KANSL2: variants seen among roughly 807,000 people sequenced by gnomAD.
KANSL2 encodes the protein NSL complex protein NSL2.
KANSL2 carries 34 observed loss-of-function variants against 55.6 expected under a neutral mutation model. The ratio of observed to expected loss-of-function variants is 0.61; its 90% CI spans 0.46 to 0.81. KANSL2 has a LOEUF of 0.81. KANSL2 is among the 40% of genes least tolerant of loss of function. The pLI is 0.00. For synonymous variants in KANSL2, 209 were observed against 214.3 expected, an observed-to-expected ratio of 0.98 and a Z score of 0.22; for missense variants, 502 against 609.9, an observed-to-expected ratio of 0.82 and a Z score of 1.86.
chr12:48,678,171 C>T (rs1207092764), intron 4 of KANSL2, among the ~76,000 whole-genome samples: 1 of 152,190 alleles, frequency 6.6e-6, no homozygotes, highest in Non-Finnish European at 1.5e-5. Flanking sequence ...CCACTATTTA[C>T]AGTCCCTTTA....
chr12:48,680,209 C>T (rs961501999), intron 2 of KANSL2, among the ~76,000 whole-genome samples: 4 of 152,154 alleles, frequency 2.6e-5, no homozygotes, highest in African/African-American at 9.7e-5. Flanking sequence ...TAGGCATGCA[C>T]CACTGTGCCC....
intron 4 of KANSL2, among the ~76,000 whole-genome samples, chr12:48,674,451 C>A (rs10783275): frequency 0.59 from 89,602 of 152,002 alleles, 26,718 homozygotes; most frequent in East Asian, 0.76. Context: ...TGGCCAGCCT[C>A]TGCTTTATTT....
chr12:48,681,556 A>C lies in KANSL2; in HGVS notation c.77T>G (p.Leu26Arg). ...TGGACGATGAGTGAATGCACAAGAC[A>C]GAGGTTCCTGAGACCTGGGCACTGG... ...ITPVPRSQEP[L>R]SCAFTHRPCS... The change falls in exon 2 of 10, where the codon CTG becomes CGG. Residue 26 changes from leucine (L) to arginine (R), a missense_variant. Leu to Arg is a moderately radical substitution (Grantham distance 102, BLOSUM62 -2). Transcript: ENST00000420613. The C allele has an allele frequency of 6.2e-7, 1 of 1,613,932 alleles. No individual in the cohort carries two copies. The highest frequency in any genetic ancestry group is 8.5e-7 in the Non-Finnish European group (1 of 1,179,814).
intron 4 of KANSL2, among the ~76,000 whole-genome samples, chr12:48,675,787 G>T (rs972414516): frequency 6.6e-6 from 1 of 152,094 alleles, no homozygotes; most frequent in Non-Finnish European, 1.5e-5. Flanking sequence ...TTCAGAGCCG[G>T]ACATTAAAAT....
At chr12:48,673,735 C>T (rs914490256) in intron 4 of KANSL2, among the ~76,000 whole-genome samples, 5 of 151,760 alleles carry the variant, frequency 3.3e-5, no homozygotes, top group Non-Finnish European at 7.4e-5. Context: ...ATTGCTTGAG[C>T]CTGGGAGTTC....
chr12:48,670,330 A>C (rs1939687696), intron 5 of KANSL2, among the ~76,000 whole-genome samples: 1 of 152,166 alleles, frequency 6.6e-6, no homozygotes, highest in African/African-American at 2.4e-5. Flanking sequence ...TTTATTAAAA[A>C]AAAAAAGTTA....
chr12:48,665,610 C>T (rs542580344), intron 7 of KANSL2, among the ~76,000 whole-genome samples: 1 of 152,252 alleles, frequency 6.6e-6, no homozygotes, highest in African/African-American at 2.4e-5. Context: ...AAATATTTGG[C>T]ATTTCTTGCC....
chr12:48,662,469 T>C, intron 7 of KANSL2: 1 of 1,123,296 alleles, frequency 8.9e-7, no homozygotes, highest in Non-Finnish European at 1.1e-6. Flanking sequence ...AATACCACAA[T>C]ATCCTAAAAA....
chr12:48,676,674 G>A (rs568079920), intron 4 of KANSL2, among the ~76,000 whole-genome samples: 11 of 151,932 alleles, frequency 7.2e-5, no homozygotes, highest in African/African-American at 2.4e-4. Context: ...AAAAAAGTGC[G>A]AGGATTACAT....
At position 48,671,928 on chromosome 12, in the gene KANSL2, G is replaced by A. The variant is rs768897627; in HGVS notation, c.580C>T (p.Leu194=). The part of the protein sequence containing the change: ...AGVYTAEEVA[L]IMREKLIRLQ... ...CGAATTAGCTTTTCACGCATAATCA[G>A]GGCCACTTCTTCTGCTGTGTAGACA... The change falls in exon 5 of 10, where the codon CTG becomes TTG. Residue 194 remains leucine (L), a synonymous_variant. Transcript: ENST00000420613. 6.2e-7 allele frequency: 1 copy of A among 1,608,672 alleles called. No individual in the cohort carries two copies. The highest frequency in any genetic ancestry group is 8.5e-7 in the Non-Finnish European group (1 of 1,176,122).
intron 7 of KANSL2, chr12:48,661,280 T>C (rs1484640036): frequency 1.5e-5 from 13 of 840,800 alleles, no homozygotes; most frequent in East Asian, 2.5e-4. Context: ...TGAAGGCCCA[T>C]TGAAAAAAAA....
Position 48,660,462 on chromosome 12 carries a change from C to G in KANSL2, c.1131G>C (p.Leu377=). The part of the protein sequence containing the change: ...PPQMYKPEQV[L]SVPDDLEAGP... ...CGGCTTCCAGATCGTCTGGCACAGA[C>G]AGTACCTGCTCGGGCTTATACATCT... Residue 377 remains leucine, a synonymous_variant, in exon 8 of 10, where the codon CTG becomes CTC. Transcript: ENST00000420613. 6.2e-7 allele frequency: 1 copy of G among 1,613,938 alleles called. No individual in the cohort carries two copies. Among genetic ancestry groups the G allele is most frequent in the Non-Finnish European group, 8.5e-7 (1 of 1,179,862 alleles).
chr12:48,672,393 G>GTATATA (rs1187335703), intron 4 of KANSL2, among the ~76,000 whole-genome samples: 7 of 121,366 alleles, frequency 5.8e-5, no homozygotes, highest in African/African-American at 2.3e-4. Context: ...ATATATACAT[G>GTATATA]TATATATATA....
chr12:48,662,607 G>GACCACAGTAA, intron 7 of KANSL2: 1 of 1,287,804 alleles, frequency 7.8e-7, no homozygotes, highest in Non-Finnish European at 1.0e-6. Flanking sequence ...GTCTCCATTA[G>GACCACAGTAA]ACCACAGTAA....
At chr12:48,669,329 C>T in intron 5 of KANSL2, 57 bp from the exon 6 acceptor site, 2 of 1,365,944 alleles carry the variant, frequency 1.5e-6, no homozygotes, top group Admixed American at 5.5e-5. Flanking sequence ...GGTTACGTCT[C>T]CAAGTCAACA....
At chr12:48,664,176 A>G (rs944572966) in intron 7 of KANSL2, among the ~76,000 whole-genome samples, 1 of 151,932 alleles carries the variant, frequency 6.6e-6, no homozygotes, top group Non-Finnish European at 1.5e-5. Context: ...CAGCCTCCCA[A>G]AGTGCTGAGA....
At chr12:48,671,690 A>G in intron 5 of KANSL2, 109 bp downstream of exon 5, 5 of 1,212,756 alleles carry the variant, frequency 4.1e-6, no homozygotes, top group Non-Finnish European at 5.8e-6. Context: ...TTGAATGACA[A>G]AAATCACCTA....
intron 4 of KANSL2, among the ~76,000 whole-genome samples, chr12:48,672,391 A>G (rs898853725): frequency 4.4e-5 from 6 of 136,908 alleles, no homozygotes; most frequent in African/African-American, 1.7e-4. Flanking sequence ...ATATATATAC[A>G]TGTATATATA....
At chr12:48,675,105 G>GT (rs1482770849) in intron 4 of KANSL2, among the ~76,000 whole-genome samples, 1 of 151,538 alleles carries the variant, frequency 6.6e-6, no homozygotes, top group Non-Finnish European at 1.5e-5. Flanking sequence ...TTAAAAATAT[G>GT]TAACAGTTGG....
Sources: gnomAD v4.1 joint callset for allele counts (sites outside exome capture counted in the v4.1 genomes callset) on GRCh38, gnomAD v4.1.1 for gene constraint, MANE v1.5 for transcripts, NCBI Gene and HGNC (gene_info 2026-07-23, HGNC 2026-07-21) for gene names.